FGD4: variants seen among roughly 807,000 people sequenced by gnomAD.
The protein encoded by FGD4 is FYVE, RhoGEF and PH domain containing 4, also known as FYVE, RhoGEF and PH domain-containing protein 4.
FGD4 carries 42 observed loss-of-function variants against 102.0 expected under a neutral mutation model. That is an observed-to-expected ratio of 0.41 (90% CI 0.32 to 0.53). The LOEUF is 0.53. FGD4 is among the 20% of genes least tolerant of loss of function. FGD4 has a pLI of 0.21. For synonymous variants in FGD4, 380 were observed against 375.7 expected, an observed-to-expected ratio of 1.01 and a Z score of -0.13; for missense variants, 902 against 1,078.2, an observed-to-expected ratio of 0.84 and a Z score of 2.29.
chr12:32,422,416 A>G (rs1437122678), intron 1 of FGD4, among the ~76,000 whole-genome samples: 4 of 145,330 alleles, frequency 2.8e-5, no homozygotes, highest in Non-Finnish European at 6.0e-5. Flanking sequence ...CTCCTGCCTC[A>G]GCCTCCCAAG....
At chr12:32,564,112 G>A (rs1944984488) in intron 1 of FGD4, 25 bp from the exon 2 acceptor site, 3 of 1,531,708 alleles carry the variant, frequency 2.0e-6, no homozygotes, top group Non-Finnish European at 8.7e-7. Flanking sequence ...ATACTTACCT[G>A]CCCTTTCTTT....
intron 1 of FGD4, among the ~76,000 whole-genome samples, chr12:32,453,214 ATATATAATATAGATATATATATAT>A (rs1942845828): frequency 1.9e-5 from 1 of 52,138 alleles, no homozygotes. Flanking sequence ...ATATATATAT[ATATATAATATAGATATATATATAT>A]TTTTTTTTTT....
Position 32,506,610 on chromosome 12 carries a change from C to G in FGD4, c.167-57527C>G, listed in dbSNP as rs907916850. On this transcript the variant is annotated intron_variant, in intron 1 of 16. Coordinates refer to ENST00000534526, the MANE Select transcript of FGD4 (RefSeq NM_001370298.3). This position sits in a 1 kb window ranked among gnomAD's most constrained non-coding sequence, Gnocchi z 4.5. ...ACTTAATCTCCCTTTCTTCTGCTCC[C>G]TGCACCAACCCACAGGCACCTCCTT... 6.6e-6 allele frequency among the ~76,000 whole-genome samples: 1 copy of G among 152,196 alleles called. No homozygotes were observed. Among genetic ancestry groups the G allele is most frequent in the Non-Finnish European group, 1.5e-5 (1 of 68,036 alleles).
rs200366845 is a variant in FGD4 at position 32,453,215 on chromosome 12, TATATAATATAG to T, written c.166+53262_166+53272del. On this transcript the variant is annotated intron_variant, in intron 1 of 16. Coordinates refer to ENST00000534526, the MANE Select transcript of FGD4 (RefSeq NM_001370298.3). ...TATATATATATTATATATATATATATATATAATATAGATATATATATATTTTTTTTTTTTTA... is the reference window on the plus strand; with the variant it reads ...TATATATATATTATATATATATATATATATATATATATTTTTTTTTTTTTA... 5.1e-3 allele frequency among the ~76,000 whole-genome samples: 252 copies of T among 49,842 alleles called. 2 individuals are homozygous for T. The highest frequency in any genetic ancestry group is 8.2e-3 in the South Asian group (7 of 852). 32.7% of individuals were successfully genotyped at this position (49,842 alleles called of 152,430 possible).
intron 1 of FGD4, among the ~76,000 whole-genome samples, chr12:32,440,514 T>A (rs1942395405): frequency 6.6e-6 from 1 of 152,210 alleles, no homozygotes; most frequent in South Asian, 2.1e-4. Context: ...AGAGTCCCTG[T>A]CTCTGTTCTG....
chr12:32,521,488 C>T (rs932580782), intron 1 of FGD4, among the ~76,000 whole-genome samples: 60 of 151,754 alleles, frequency 4.0e-4, no homozygotes, highest in African/African-American at 1.2e-3. Context: ...GAGACCTTAA[C>T]GTCACAGGAA....
chr12:32,432,618 A>G (rs1565737126), intron 1 of FGD4, among the ~76,000 whole-genome samples: 1 of 142,272 alleles, frequency 7.0e-6, no homozygotes, highest in Non-Finnish European at 1.5e-5. Flanking sequence ...AAAAAAAAAA[A>G]GGTAGTAATA....
intron 2 of FGD4, among the ~76,000 whole-genome samples, chr12:32,570,783 A>T (rs1945596781): frequency 6.6e-6 from 1 of 152,176 alleles, no homozygotes; most frequent in Admixed American, 6.5e-5. Flanking sequence ...ATAATACAAA[A>T]TAATACAAAA....
In FGD4 at chr12:32,468,264, A is replaced by AT. The variant is rs57001434; in HGVS notation, c.166+68319dup. ...TTGTCTACTGTATGATGAATGCTGTATTTTTTTTTTTTTTAATTCTAGAGA... is the reference window on the plus strand; with the variant it reads ...TTGTCTACTGTATGATGAATGCTGTATTTTTTTTTTTTTTTAATTCTAGAGA... On this transcript the variant is annotated intron_variant, in intron 1 of 16. Transcript: ENST00000534526. Among the ~76,000 whole-genome samples, 494 of 147,908 alleles carry AT rather than the reference A, an allele frequency of 3.3e-3. 6 individuals are homozygous for AT. The highest frequency in any genetic ancestry group is 0.022 in the South Asian group (102 of 4,714).
At chr12:32,468,820 T>A (rs1273971848) in intron 1 of FGD4, among the ~76,000 whole-genome samples, 1 of 152,030 alleles carries the variant, frequency 6.6e-6, no homozygotes, top group African/African-American at 2.4e-5. Flanking sequence ...TTTATTCTGG[T>A]GGTTTCTTTT....
At chr12:32,599,120 T>G (rs1365298104) in intron 5 of FGD4, among the ~76,000 whole-genome samples, 3 of 152,202 alleles carry the variant, frequency 2.0e-5, no homozygotes, top group Non-Finnish European at 4.4e-5. Context: ...TGAATGTACT[T>G]TATCATATAT....
At chr12:32,634,785 T>G (rs1443123013) in intron 15 of FGD4, among the ~76,000 whole-genome samples, 2 of 152,064 alleles carry the variant, frequency 1.3e-5, no homozygotes, top group African/African-American at 2.4e-5. Flanking sequence ...GGTCAAGAGA[T>G]CAAGACCATC....
intron 1 of FGD4, among the ~76,000 whole-genome samples, chr12:32,414,752 AT>A (rs1816723229): frequency 6.6e-6 from 1 of 152,128 alleles, no homozygotes. Flanking sequence ...TGCAAATGAT[AT>A]TTATTGATAT....
chr12:32,574,900 G>T (rs1296704019), intron 2 of FGD4: 1 of 152,102 alleles, frequency 6.6e-6, no homozygotes, highest in Non-Finnish European at 1.5e-5. Flanking sequence ...GAAAAAAGAT[G>T]ATTCTATTTG....
At position 32,640,576 on chromosome 12, in the gene FGD4, C is replaced by A. The variant is rs1260279691; in HGVS notation, c.*43C>A. The A allele has an allele frequency of 2.5e-6, 4 of 1,612,196 alleles. No individual in the cohort carries two copies. The East Asian group carries it at 6.7e-5, about 27-fold the overall frequency. Reference sequence around the variant, plus strand: ...CATGGTGTGGAGGTCTCAGGACTTACAGCTCAAGACATTCCCAGCTCTTCT... The same window carrying A: ...CATGGTGTGGAGGTCTCAGGACTTAAAGCTCAAGACATTCCCAGCTCTTCT... On this transcript the variant is annotated 3_prime_UTR_variant, in exon 17 of 17. Coordinates refer to ENST00000534526, the MANE Select transcript of FGD4 (RefSeq NM_001370298.3).
At chr12:32,527,873 T>C (rs1941416631) in intron 1 of FGD4, among the ~76,000 whole-genome samples, 1 of 152,228 alleles carries the variant, frequency 6.6e-6, no homozygotes, top group East Asian at 1.9e-4. Flanking sequence ...TAGATTAGTA[T>C]AATGTTTTTA....
At chr12:32,588,042 CAAGAGGAGAAAG>C (rs1947188225) in intron 4 of FGD4, among the ~76,000 whole-genome samples, 1 of 151,946 alleles carries the variant, frequency 6.6e-6, no homozygotes, top group African/African-American at 2.4e-5. Flanking sequence ...ATAAATTGTC[CAAGAGGAGAAAG>C]AAGAGAGAAC....
intron 11 of FGD4, among the ~76,000 whole-genome samples, chr12:32,620,901 G>T (rs1472227812): frequency 6.7e-6 from 1 of 150,370 alleles, no homozygotes; most frequent in Non-Finnish European, 1.5e-5. Context: ...GACCTCAGGT[G>T]ATCTGCCCGC....
chr12:32,434,272 G>A (rs1268753005), intron 1 of FGD4, among the ~76,000 whole-genome samples: 3 of 152,158 alleles, frequency 2.0e-5, no homozygotes, highest in Non-Finnish European at 4.4e-5. Context: ...CTTTGTCGCT[G>A]CTTATAAAAT....
Sources: gnomAD v4.1 joint callset for allele counts (sites outside exome capture counted in the v4.1 genomes callset) on GRCh38, gnomAD v4.1.1 for gene constraint, Gnocchi (gnomAD v3.1) non-coding constraint, MANE v1.5 for transcripts, NCBI Gene and HGNC (gene_info 2026-07-23, HGNC 2026-07-21) for gene names.